PRORP: variants seen among roughly 807,000 people sequenced by gnomAD.
PRORP encodes the protein protein only RNase P catalytic subunit, also known as mitochondrial ribonuclease P catalytic subunit.
Under a neutral mutation model 59.4 loss-of-function variants are expected in PRORP, and 51 were observed. The ratio of observed to expected loss-of-function variants is 0.86; its 90% CI spans 0.69 to 1.08. The LOEUF (loss-of-function observed/expected upper bound fraction) is 1.08, where lower values mean the gene tolerates loss of function less well. PRORP is among the 50% of genes least tolerant of loss of function. The pLI, the probability that PRORP is intolerant of heterozygous loss-of-function variation, is 0.00. For missense variants in PRORP, 646 were observed against 690.3 expected (o/e 0.94, Z 0.72); for synonymous variants, 231 against 245.6 (o/e 0.94, Z 0.55).
chr14:35,264,751 G>A (rs1383435870), intron 5 of PRORP, among the ~76,000 whole-genome samples: 2 of 152,144 alleles, frequency 1.3e-5, no homozygotes, highest in East Asian at 1.9e-4. Flanking sequence ...GAGCCGAGGC[G>A]GTTGGATCAC....
chr14:35,188,394 T>A (rs913823899), intron 5 of PRORP, among the ~76,000 whole-genome samples: 8 of 151,502 alleles, frequency 5.3e-5, no homozygotes, highest in African/African-American at 1.9e-4. Context: ...TTTCACCATG[T>A]TGGTCAGGCT....
intron 4 of PRORP, among the ~76,000 whole-genome samples, chr14:35,165,177 A>G (rs2048153121): frequency 6.6e-6 from 1 of 152,180 alleles, no homozygotes; most frequent in Middle Eastern, 3.4e-3. Flanking sequence ...TGGGATTTCT[A>G]GCTTGAATTT....
chr14:35,258,518 T>C (rs1449457377), intron 5 of PRORP, among the ~76,000 whole-genome samples: 1 of 152,068 alleles, frequency 6.6e-6, no homozygotes, highest in East Asian at 1.9e-4. Context: ...AAAAAAAGAA[T>C]TCTAAGATGA....
At chr14:35,150,036 G>C (rs1431186813) in intron 4 of PRORP, among the ~76,000 whole-genome samples, 1 of 152,082 alleles carries the variant, frequency 6.6e-6, no homozygotes, top group Non-Finnish European at 1.5e-5. Flanking sequence ...AGTAGAGATG[G>C]GGTGTCGCCA....
chr14:35,259,451 C>T (rs1274091228), intron 5 of PRORP, among the ~76,000 whole-genome samples: 10 of 152,072 alleles, frequency 6.6e-5, no homozygotes, highest in Non-Finnish European at 5.9e-5. Flanking sequence ...ATACCTCATA[C>T]TGTTATTGAT....
chr14:35,246,134 CT>C (rs1225562594), intron 5 of PRORP, among the ~76,000 whole-genome samples: 1 of 152,072 alleles, frequency 6.6e-6, no homozygotes, highest in Non-Finnish European at 1.5e-5. Flanking sequence ...TTGGAGTCTT[CT>C]TTTTGTCTCC....
intron 5 of PRORP, among the ~76,000 whole-genome samples, chr14:35,192,863 G>A (rs533069929): frequency 1.6e-4 from 24 of 151,926 alleles, no homozygotes; most frequent in East Asian, 3.9e-4. Context: ...GCATGGTGGC[G>A]CGTGCCTGTA....
chr14:35,192,363 CA>C (rs1301946443), intron 5 of PRORP, among the ~76,000 whole-genome samples: 1 of 152,208 alleles, frequency 6.6e-6, no homozygotes, highest in Non-Finnish European at 1.5e-5. Context: ...TCTGTATTTT[CA>C]GTTACATCAG....
At position 35,257,138 on chromosome 14, in the gene PRORP, G is replaced by C. The variant is rs531673212; in HGVS notation, c.1276-9589G>C. Among the ~76,000 whole-genome samples the C allele has an allele frequency of 2.5e-3, 378 of 152,258 alleles. 2 individuals carry two copies. The highest frequency in any genetic ancestry group is 8.5e-3 in the African/African-American group (354 of 41,552). On this transcript the variant is annotated intron_variant, in intron 5 of 7. Transcript: ENST00000534898. ...GATTTGCCCGCCTCAGCCTCCCAAAGTGCTGGCATTACAGGCATGAGCCAC... is the reference window on the plus strand; with the variant it reads ...GATTTGCCCGCCTCAGCCTCCCAAACTGCTGGCATTACAGGCATGAGCCAC...
At chr14:35,253,135 ACCAGC>A (rs1293391053) in intron 5 of PRORP, among the ~76,000 whole-genome samples, 1 of 152,136 alleles carries the variant, frequency 6.6e-6, no homozygotes, top group African/African-American at 2.4e-5. Flanking sequence ...GGAGTTCCAG[ACCAGC>A]CTGGGCAGCA....
chr14:35,164,911 A>G (rs1177452590), intron 4 of PRORP, among the ~76,000 whole-genome samples: 3 of 152,154 alleles, frequency 2.0e-5, no homozygotes, highest in Non-Finnish European at 4.4e-5. Context: ...CATCAAAGAA[A>G]GTAGGATTTC....
chr14:35,159,079 A>C (rs1293834778), intron 4 of PRORP: 1 of 216,630 alleles, frequency 4.6e-6, no homozygotes, highest in East Asian at 1.5e-4. Context: ...TCCTCTCCTA[A>C]TCAGCAGTGG....
At chr14:35,211,340 G>A (rs1566499817) in intron 5 of PRORP, among the ~76,000 whole-genome samples, 1 of 152,098 alleles carries the variant, frequency 6.6e-6, no homozygotes. Flanking sequence ...TGTAAGTTCT[G>A]TGAGAACAGA....
chr14:35,200,456 C>T (rs2139125880), intron 5 of PRORP, among the ~76,000 whole-genome samples: 1 of 152,288 alleles, frequency 6.6e-6, no homozygotes, highest in East Asian at 1.9e-4. Flanking sequence ...TCCCCAAGTG[C>T]TGGGATTACA....
Position 35,268,342 on chromosome 14 carries a change from C to CAAAAA in PRORP, c.1424+1484_1424+1488dup, listed in dbSNP as rs769701565. ...CCTGGGTTACGGAGTGAGACTGTCT[C>CAAAAA]AAAAAAAAAAAAAAAAAAAAACAAC... On this transcript the variant is annotated intron_variant, in intron 6 of 7. Transcript: ENST00000534898. Among the ~76,000 whole-genome samples, 54 of 50,580 alleles carry CAAAAA rather than the reference C, an allele frequency of 1.1e-3. 1 individual carries two copies. The highest frequency in any genetic ancestry group is 0.012 in the Middle Eastern group (1 of 86). 33.2% of individuals were successfully genotyped at this position (50,580 alleles called of 152,430 possible). A position where few individuals can be genotyped will look rare whatever the true frequency, so the allele number is the denominator to read the frequency against.
At chr14:35,212,984 A>G (rs959626672) in intron 5 of PRORP, among the ~76,000 whole-genome samples, 1 of 152,218 alleles carries the variant, frequency 6.6e-6, no homozygotes, top group Non-Finnish European at 1.5e-5. Context: ...CTCCATCAGC[A>G]CTTGCTACTT....
intron 4 of PRORP, among the ~76,000 whole-genome samples, chr14:35,177,597 T>C (rs2048486503): frequency 6.6e-6 from 1 of 152,188 alleles, no homozygotes; most frequent in South Asian, 2.1e-4. Context: ...ATATCCCCTT[T>C]ATCATTTTTT....
intron 4 of PRORP, among the ~76,000 whole-genome samples, chr14:35,139,866 C>A (rs1410452745): frequency 2.1e-5 from 3 of 145,640 alleles, no homozygotes; most frequent in Non-Finnish European, 3.1e-5. Context: ...AGGGAAGAAT[C>A]CTTCCTTCTC....
At chr14:35,225,518 T>C (rs771049065) in intron 5 of PRORP, among the ~76,000 whole-genome samples, 10 of 152,020 alleles carry the variant, frequency 6.6e-5, no homozygotes, top group Non-Finnish European at 1.5e-4. Flanking sequence ...AGCTAATTTT[T>C]GTATTTTTAG....
Sources: allele counts gnomAD v4.1 joint callset (sites outside exome capture counted in the v4.1 genomes callset), GRCh38; gene constraint gnomAD v4.1.1; transcripts MANE v1.5; gene names NCBI Gene and HGNC (gene_info 2026-07-23, HGNC 2026-07-21).